Variants in TENM2 observed in about 807,000 individuals in gnomAD.
The protein encoded by TENM2 is teneurin-2.
In TENM2, 52 loss-of-function variants were observed where a neutral mutation model predicts 245.2. The observed-to-expected ratio is 0.21, with a 90% CI of 0.17 to 0.27. TENM2 has a LOEUF of 0.27. TENM2 is among the 10% of genes least tolerant of loss of function. The pLI is 1.00. For synonymous variants in TENM2, 1,363 were observed against 1,438.9 expected, an observed-to-expected ratio of 0.95 and a Z score of 1.19; for missense variants, 3,046 against 3,666.8, an observed-to-expected ratio of 0.83 and a Z score of 4.37.
At chr5:167,702,417 A>G (rs1185629449) in intron 2 of TENM2, among the ~76,000 whole-genome samples, 1 of 151,894 alleles carries the variant, frequency 6.6e-6, no homozygotes, top group Non-Finnish European at 1.5e-5. Context: ...CTGTCTTGCC[A>G]ACACACTTGC....
the TENM2 span, among the ~76,000 whole-genome samples, chr5:167,273,048 C>T: frequency 1.3e-5 from 2 of 152,092 alleles, no homozygotes; most frequent in Non-Finnish European, 1.5e-5. Context: ...CTCAAATGGG[C>T]TGTCAGTGAT....
chr5:167,744,616 A>T (rs981350731), intron 2 of TENM2, among the ~76,000 whole-genome samples: 1 of 152,138 alleles, frequency 6.6e-6, no homozygotes, highest in Admixed American at 6.6e-5. Flanking sequence ...GGAAAGGTGC[A>T]TTGTGACATT....
intron 2 of TENM2, among the ~76,000 whole-genome samples, chr5:167,806,304 C>T (rs1766163631): frequency 1.3e-5 from 2 of 152,136 alleles, no homozygotes; most frequent in African/African-American, 2.4e-5. Flanking sequence ...AGCCCTTTCA[C>T]ATATCATGTC....
the TENM2 span, among the ~76,000 whole-genome samples, chr5:167,061,091 AACACAC>A: frequency 0.43 from 64,013 of 149,648 alleles, 14,213 homozygotes; most frequent in African/African-American, 0.51. Flanking sequence ...CTCTCTCCAA[AACACAC>A]ACACACACAC....
chr5:167,486,384 A>G (rs1768076523), intron 2 of TENM2, among the ~76,000 whole-genome samples: 1 of 146,002 alleles, frequency 6.8e-6, no homozygotes. Flanking sequence ...GCTGGAGTGC[A>G]GTGGCGCCAT....
chr5:167,630,135 CT>C (rs77793874), intron 2 of TENM2, among the ~76,000 whole-genome samples: 13,065 of 143,874 alleles, frequency 0.091, 1,461 homozygotes, highest in African/African-American at 0.26. Context: ...CCTCAGCATC[CT>C]TTTTTTTTTT....
chr5:167,891,979 C>CT (rs1265449537), intron 3 of TENM2, among the ~76,000 whole-genome samples: 2 of 152,176 alleles, frequency 1.3e-5, no homozygotes, highest in Non-Finnish European at 2.9e-5. Context: ...AAGATTCCAA[C>CT]TTTTACAAAG....
chr5:167,279,585 A>G, the TENM2 span, among the ~76,000 whole-genome samples: 1 of 99,514 alleles, frequency 1.0e-5, no homozygotes, highest in Admixed American at 1.3e-4. Context: ...TCTGTTGTAT[A>G]TATTGGGGTA....
intron 2 of TENM2, among the ~76,000 whole-genome samples, chr5:167,505,797 A>G (rs1769502394): frequency 6.6e-6 from 1 of 152,186 alleles, no homozygotes; most frequent in African/African-American, 2.4e-5. Context: ...GTGACATTGT[A>G]TGAAGGAAAA....
chr5:167,013,955 G>A, the TENM2 span, among the ~76,000 whole-genome samples: 15 of 152,040 alleles, frequency 9.9e-5, no homozygotes, highest in South Asian at 2.1e-4. Flanking sequence ...GGCAAATTGG[G>A]GTACCTGGTA....
At chr5:167,969,403 A>G (rs1000293814) in intron 4 of TENM2, among the ~76,000 whole-genome samples, 2 of 152,160 alleles carry the variant, frequency 1.3e-5, no homozygotes, top group Non-Finnish European at 2.9e-5. Flanking sequence ...GCCTTCTGCC[A>G]TGACTGTGAG....
At chr5:168,009,606 C>T (rs548843272) in intron 5 of TENM2, among the ~76,000 whole-genome samples, 6 of 152,022 alleles carry the variant, frequency 3.9e-5, no homozygotes, top group South Asian at 4.2e-4. Context: ...GCTAGGAGCC[C>T]GAAGTAAAGC....
intron 2 of TENM2, among the ~76,000 whole-genome samples, chr5:167,457,583 G>A (rs1024079884): frequency 6.6e-6 from 1 of 151,900 alleles, no homozygotes; most frequent in Admixed American, 6.6e-5. Flanking sequence ...CCAACCTCAG[G>A]TGATCTGCCC....
At chr5:167,527,229 T>C (rs551145115) in intron 2 of TENM2, among the ~76,000 whole-genome samples, 1 of 152,218 alleles carries the variant, frequency 6.6e-6, no homozygotes, top group South Asian at 2.1e-4. Flanking sequence ...ATCTGAAATA[T>C]GACGTAGGCC....
At chr5:167,234,070 G>A in the TENM2 span, among the ~76,000 whole-genome samples, 1 of 152,088 alleles carries the variant, frequency 6.6e-6, no homozygotes, top group Non-Finnish European at 1.5e-5. Flanking sequence ...ACTCGGTACA[G>A]AGAAAATAAC....
intron 4 of TENM2, among the ~76,000 whole-genome samples, chr5:167,989,863 C>T (rs978099916): frequency 2.2e-4 from 33 of 152,168 alleles, no homozygotes; most frequent in African/African-American, 7.5e-4. Context: ...GTGACTTGTT[C>T]CAGACAGCTG....
chr5:167,113,642 CAAA>C, the TENM2 span, among the ~76,000 whole-genome samples: 29 of 96,410 alleles, frequency 3.0e-4, 1 homozygote, highest in African/African-American at 7.8e-4. Flanking sequence ...GATCCTGTCT[CAAA>C]AAAAAAAAAA....
At chr5:167,376,930 A>G (rs1760786686) in intron 2 of TENM2, among the ~76,000 whole-genome samples, 1 of 152,222 alleles carries the variant, frequency 6.6e-6, no homozygotes, top group African/African-American at 2.4e-5. Flanking sequence ...CTTGTAATCC[A>G]AGAATTTATG....
chr5:168,250,137 T>C (rs950395764), intron 27 of TENM2, among the ~76,000 whole-genome samples: 1 of 150,102 alleles, frequency 6.7e-6, no homozygotes, highest in Non-Finnish European at 1.5e-5. Flanking sequence ...GATGGATGGA[T>C]GGATGGATGG....
Sources: allele counts gnomAD v4.1 joint callset (sites outside exome capture counted in the v4.1 genomes callset), GRCh38; gene constraint gnomAD v4.1.1; transcripts MANE v1.5; gene names NCBI Gene and HGNC (gene_info 2026-07-23, HGNC 2026-07-21).